Variants in PPP5C observed in about 807,000 individuals in gnomAD.
PPP5C encodes serine/threonine-protein phosphatase 5.
A neutral mutation model predicts 66.7 loss-of-function variants in PPP5C; 21 were observed. The observed-to-expected ratio is 0.31, with a 90% CI of 0.22 to 0.45. PPP5C has a LOEUF of 0.45. PPP5C is among the 20% of genes least tolerant of loss of function. PPP5C has a pLI of 1.00. For synonymous variants in PPP5C, 246 were observed against 257.4 expected (o/e 0.96, Z 0.43); for missense variants, 464 against 675.9 (o/e 0.69, Z 3.48).
chr19:46,353,029 G>A (rs1303520593), intron 1 of PPP5C, among the ~76,000 whole-genome samples: 1 of 152,182 alleles, frequency 6.6e-6, no homozygotes, highest in African/African-American at 2.4e-5. Flanking sequence ...AAGCCTCTAA[G>A]GCTGTTTAAG....
In PPP5C at chr19:46,383,072, C is replaced by A; in HGVS notation, c.634-339C>A. 1 of 1,124,538 alleles carries A rather than the reference C, an allele frequency of 8.9e-7. No homozygotes were observed. The highest frequency in any genetic ancestry group is 1.1e-6 in the Non-Finnish European group (1 of 875,938). The allele number at this position is 1,124,538 out of a possible 1,614,324, so 69.7% of individuals were successfully genotyped here. ...TTGGGAGACTCTTTTATGACAGTGACATTGCGCTGTGTCCAGGCCAGTTCT... is the reference window on the plus strand; with the variant it reads ...TTGGGAGACTCTTTTATGACAGTGAAATTGCGCTGTGTCCAGGCCAGTTCT... On this transcript the variant is annotated intron_variant, in intron 4 of 12. Coordinates refer to ENST00000012443, the MANE Select transcript of PPP5C (RefSeq NM_006247.4). This position sits in a 1 kb window ranked among gnomAD's most constrained non-coding sequence, Gnocchi z 5.0.
Position 46,388,641 on chromosome 19 carries a change from A to T in PPP5C, c.1265A>T (p.Tyr422Phe). 1.2e-6 allele frequency: 2 copies of T among 1,614,112 alleles called. No homozygotes were observed. Among genetic ancestry groups the T allele is most frequent in the Non-Finnish European group, 1.7e-6 (2 of 1,180,002 alleles). Residue 422 changes from tyrosine to phenylalanine, a missense_variant, in exon 11 of 13, where the codon TAT (tyrosine) becomes TTT (phenylalanine). Tyr to Phe is a conservative substitution (Grantham distance 22). Transcript: ENST00000012443. The surrounding 1 kb of genome is among the most constrained non-coding windows in gnomAD (Gnocchi z 4.9). ...KAFLEENNLD[Y>F]IIRSHEVKAE... ...TTCTTGGAAGAGAACAACCTGGACT[A>T]TATCATCCGCAGCCACGAAGTCAAG...
intron 2 of PPP5C, among the ~76,000 whole-genome samples, chr19:46,371,769 C>G (rs1978309): frequency 0.55 from 83,569 of 152,036 alleles, 23,174 homozygotes; most frequent in South Asian, 0.74. Flanking sequence ...CTAGCAGCGG[C>G]ATTTCCTGCC....
rs569575447 is a variant in PPP5C, at chr19:46,347,498, C to T, written c.121+281C>T. Reference sequence around the variant, plus strand: ...AGGGGGACTGGAATGAGGGCGCTACCAAACGTGAGGCCTGTAGAGGGCGCT... The same window carrying T: ...AGGGGGACTGGAATGAGGGCGCTACTAAACGTGAGGCCTGTAGAGGGCGCT... On this transcript the variant is annotated intron_variant, in intron 1 of 12. Transcript: ENST00000012443. Among the ~76,000 whole-genome samples, 6 of 151,914 alleles carry T rather than the reference C, an allele frequency of 3.9e-5. No homozygotes were observed. The East Asian group carries it at 1.2e-3, about 29-fold the overall frequency.
intron 1 of PPP5C, among the ~76,000 whole-genome samples, chr19:46,351,907 G>A (rs958047200): frequency 6.6e-6 from 1 of 152,250 alleles, no homozygotes; most frequent in African/African-American, 2.4e-5. Context: ...AGGGCTTCCC[G>A]GAGGAGGGGA....
Position 46,388,591 on chromosome 19 carries a change from G to A in PPP5C, c.1215G>A (p.Gln405=), listed in dbSNP as rs138415895. 8 of 1,614,042 alleles carry A rather than the reference G, an allele frequency of 5.0e-6. No homozygotes were observed. Among genetic ancestry groups the A allele is most frequent in the Non-Finnish European group, 6.8e-6 (8 of 1,180,016 alleles). Residue 405 remains glutamine (Q), a synonymous_variant, in exon 11 of 13, where the codon CAG becomes CAA. Transcript: ENST00000012443. This position sits in a 1 kb window ranked among gnomAD's most constrained non-coding sequence, Gnocchi z 4.9. The part of the protein sequence containing the change: ...RSISKRGVSC[Q]FGPDVTKAFL... ...TCAGCAAGCGGGGCGTGAGCTGTCA[G>A]TTTGGGCCTGACGTCACCAAGGCCT...
Position 46,376,425 on chromosome 19 carries a change from C to T in PPP5C, c.512-28C>T, listed in dbSNP as rs780321587. The T allele has an allele frequency of 6.2e-7, 1 of 1,610,044 alleles. No homozygotes were observed. The highest frequency in any genetic ancestry group is 8.5e-7 in the Non-Finnish European group (1 of 1,177,540). On this transcript the variant is annotated intron_variant, in intron 3 of 12. Transcript: ENST00000012443. This position sits in a 1 kb window ranked among gnomAD's most constrained non-coding sequence, Gnocchi z 5.1. Reference sequence around the variant, plus strand: ...CCCTCATAGTGGCTGTGGTCACTGACTCTCGTGTCCCGTTGTTCACACCCT... The same window carrying T: ...CCCTCATAGTGGCTGTGGTCACTGATTCTCGTGTCCCGTTGTTCACACCCT...
chr19:46,350,285 G>A (rs1350662895), intron 1 of PPP5C, among the ~76,000 whole-genome samples: 2 of 152,200 alleles, frequency 1.3e-5, no homozygotes, highest in Non-Finnish European at 2.9e-5. Flanking sequence ...CGGGCTTTGG[G>A]GGCTGAGGGA....
chr19:46,378,505 T>C (rs746044254), intron 4 of PPP5C, among the ~76,000 whole-genome samples: 6 of 152,272 alleles, frequency 3.9e-5, no homozygotes, highest in East Asian at 3.8e-4. Flanking sequence ...AAATCTTTTA[T>C]AGCCTATTTT....
chr19:46,385,251 C>T (rs1390025465), intron 7 of PPP5C, among the ~76,000 whole-genome samples: 1 of 152,154 alleles, frequency 6.6e-6, no homozygotes, highest in Non-Finnish European at 1.5e-5. Flanking sequence ...ACTGAGTGAA[C>T]AGACCAGGGC....
At chr19:46,375,518 C>G (rs1972676451) in intron 2 of PPP5C, 86 bp from the exon 3 acceptor site, 1 of 1,543,490 alleles carries the variant, frequency 6.5e-7, no homozygotes, top group Admixed American at 2.0e-5. Context: ...CTTCCACTTT[C>G]ATGGAACCCA....
intron 2 of PPP5C, among the ~76,000 whole-genome samples, chr19:46,363,498 C>A (rs906916567): frequency 6.6e-6 from 1 of 151,480 alleles, no homozygotes; most frequent in Non-Finnish European, 1.5e-5. Flanking sequence ...GGCGCGATCT[C>A]GGCTCACTGC....
At chr19:46,375,541 C>T in intron 2 of PPP5C, 63 bp from the exon 3 acceptor site, 1 of 1,590,844 alleles carries the variant, frequency 6.3e-7, no homozygotes. Flanking sequence ...GCTGGGCAGC[C>T]TGGGGGCAAC....
chr19:46,369,477 A>G (rs934876376), intron 2 of PPP5C, among the ~76,000 whole-genome samples: 1 of 151,540 alleles, frequency 6.6e-6, no homozygotes, highest in African/African-American at 2.4e-5. Flanking sequence ...CTAAATATAC[A>G]AAAAATTAGC....
At chr19:46,387,727 C>G in intron 9 of PPP5C, 1 of 1,376,720 alleles carries the variant, frequency 7.3e-7, no homozygotes, top group East Asian at 3.0e-5. Context: ...CTGTGGAACC[C>G]TGGAAGGAGG....
rs202038384 is a variant in PPP5C, at chr19:46,361,128, A to ATTTTTTTTTTTTTTTTTT, written c.363+7139_363+7140insTTTTTTTTTTTTTTTTTT. Reference sequence around the variant, plus strand: ...TTTACCCAAAAGATAAGTGAAAGAAAATTTTTTTTTTTTTTTTTTGAGACG... The same window carrying ATTTTTTTTTTTTTTTTTT: ...TTTACCCAAAAGATAAGTGAAAGAAATTTTTTTTTTTTTTTTTTATTTTTTTTTTTTTTTTTTGAGACG... On this transcript the variant is annotated intron_variant, in intron 2 of 12. Coordinates refer to ENST00000012443, the MANE Select transcript of PPP5C (RefSeq NM_006247.4). Among the ~76,000 whole-genome samples, 6 of 133,416 alleles carry ATTTTTTTTTTTTTTTTTT rather than the reference A, an allele frequency of 4.5e-5. 2 individuals carry two copies. The highest frequency in any genetic ancestry group is 5.6e-5 in the African/African-American group (2 of 35,606). The allele number at this position is 133,416 out of a possible 152,430, so 87.5% of individuals were successfully genotyped here. A position where few individuals can be genotyped will look rare whatever the true frequency, so the allele number is the denominator to read the frequency against.
At chr19:46,351,255 C>T (rs1181934908) in intron 1 of PPP5C, among the ~76,000 whole-genome samples, 1 of 152,136 alleles carries the variant, frequency 6.6e-6, no homozygotes, top group Non-Finnish European at 1.5e-5. Context: ...TGTTTCCTTG[C>T]ATCTAAAATG....
At chr19:46,347,433 G>A (rs1972102300) in intron 1 of PPP5C, among the ~76,000 whole-genome samples, 1 of 152,186 alleles carries the variant, frequency 6.6e-6, no homozygotes, top group African/African-American at 2.4e-5. Context: ...GTGCTACTCA[G>A]TGGAGAGACT....
chr19:46,389,393 A>C (rs1340519990), intron 11 of PPP5C, among the ~76,000 whole-genome samples: 1 of 12,802 alleles, frequency 7.8e-5, no homozygotes, highest in African/African-American at 2.0e-4. Flanking sequence ...ACACACACAC[A>C]CACACACACA....
Sources: gnomAD v4.1 joint callset for allele counts (sites outside exome capture counted in the v4.1 genomes callset) on GRCh38, gnomAD v4.1.1 for gene constraint, Gnocchi (gnomAD v3.1) non-coding constraint, MANE v1.5 for transcripts, NCBI Gene and HGNC (gene_info 2026-07-23, HGNC 2026-07-21) for gene names.